SLC24A3: variants seen among roughly 807,000 people sequenced by gnomAD.
SLC24A3 encodes the protein solute carrier family 24 member 3, also known as sodium/potassium/calcium exchanger 3.
A neutral mutation model predicts 75.8 loss-of-function variants in SLC24A3; 28 were observed. The ratio of observed to expected loss-of-function variants is 0.37; its 90% CI spans 0.27 to 0.51. The LOEUF is 0.51. Among genes scored for constraint, SLC24A3 ranks in the 20% least tolerant of loss-of-function variants. SLC24A3 has a pLI of 0.94. For missense variants in SLC24A3, 663 were observed against 847.8 expected (o/e 0.78, Z 2.71); for synonymous variants, 372 against 334.1 (o/e 1.11, Z -1.24).
chr20:19,231,303 C>T (rs944160642), intron 1 of SLC24A3, among the ~76,000 whole-genome samples: 5 of 152,166 alleles, frequency 3.3e-5, no homozygotes, highest in South Asian at 2.1e-4. Flanking sequence ...CGTCCGAATC[C>T]TTGAAATCTG....
At chr20:19,579,478 G>A (rs2031187878) in intron 3 of SLC24A3, among the ~76,000 whole-genome samples, 1 of 152,204 alleles carries the variant, frequency 6.6e-6, no homozygotes, top group South Asian at 2.1e-4. Context: ...CAGGCCCTGT[G>A]CTGACTGCTG....
At chr20:19,438,521 T>TA (rs1555793216) in intron 2 of SLC24A3, among the ~76,000 whole-genome samples, 1 of 141,494 alleles carries the variant, frequency 7.1e-6, no homozygotes, top group East Asian at 2.1e-4. Context: ...GACACCCCCA[T>TA]ACAGTAGGTA....
intron 2 of SLC24A3, among the ~76,000 whole-genome samples, chr20:19,289,865 A>T (rs555523108): frequency 6.6e-6 from 1 of 152,262 alleles, no homozygotes; most frequent in South Asian, 2.1e-4. Context: ...TCAGGTTTAG[A>T]GACATGAGGG....
chr20:19,501,862 C>T lies in SLC24A3; in HGVS notation c.272-13626C>T, dbSNP rs1014995965. ...TTTCCATCCTAGCTTGTCAGCCCATCCCAACAACCTTTACTTTCCCTAGGC... is the reference window on the plus strand; with the variant it reads ...TTTCCATCCTAGCTTGTCAGCCCATTCCAACAACCTTTACTTTCCCTAGGC... On this transcript the variant is annotated intron_variant, in intron 2 of 16. Coordinates refer to ENST00000328041, the MANE Select transcript of SLC24A3 (RefSeq NM_020689.4). 4.6e-5 allele frequency among the ~76,000 whole-genome samples: 7 copies of T among 152,270 alleles called. 1 individual carries two copies. The highest frequency in any genetic ancestry group is 1.3e-4 in the Admixed American group (2 of 15,302).
chr20:19,496,502 G>A (rs1473548688), intron 2 of SLC24A3, among the ~76,000 whole-genome samples: 1 of 152,188 alleles, frequency 6.6e-6, no homozygotes, highest in East Asian at 1.9e-4. Flanking sequence ...AATCTCTGTA[G>A]CAATTTATTG....
chr20:19,568,226 G>A (rs1049911436), intron 3 of SLC24A3, among the ~76,000 whole-genome samples: 28 of 152,246 alleles, frequency 1.8e-4, no homozygotes, highest in African/African-American at 5.8e-4. Flanking sequence ...AAATAGTATG[G>A]CAGTTTCTCA....
intron 9 of SLC24A3, among the ~76,000 whole-genome samples, chr20:19,676,867 A>G (rs1304732820): frequency 6.6e-6 from 1 of 152,198 alleles, no homozygotes; most frequent in Non-Finnish European, 1.5e-5. Flanking sequence ...AGTGCCTCAC[A>G]TTCAGCCCTG....
chr20:19,594,722 GGAGA>G (rs1384640061), intron 6 of SLC24A3, among the ~76,000 whole-genome samples: 8 of 152,142 alleles, frequency 5.3e-5, no homozygotes, highest in South Asian at 2.1e-4. Context: ...ATGGATAGAT[GGAGA>G]GAGAGTAAGA....
chr20:19,713,137 T>C (rs938992333), intron 15 of SLC24A3, among the ~76,000 whole-genome samples: 10 of 152,216 alleles, frequency 6.6e-5, no homozygotes, highest in African/African-American at 2.2e-4. Flanking sequence ...CCATGAATTG[T>C]GAATGAACTC....
At chr20:19,513,778 A>C (rs2029931523) in intron 2 of SLC24A3, among the ~76,000 whole-genome samples, 1 of 151,462 alleles carries the variant, frequency 6.6e-6, no homozygotes, top group South Asian at 2.1e-4. Context: ...ATTGACGTAT[A>C]AAAATTGTAT....
intron 2 of SLC24A3, among the ~76,000 whole-genome samples, chr20:19,461,479 A>T (rs945463739): frequency 2.0e-5 from 3 of 150,994 alleles, no homozygotes; most frequent in Non-Finnish European, 4.4e-5. Context: ...TGCACTGGGC[A>T]CTTATTATTC....
chr20:19,671,537 G>A (rs1206942257), intron 8 of SLC24A3, among the ~76,000 whole-genome samples: 2 of 152,314 alleles, frequency 1.3e-5, no homozygotes, highest in Non-Finnish European at 2.9e-5. Flanking sequence ...GATGGATATG[G>A]GAGTGAGGAA....
chr20:19,403,679 G>A (rs1160952086), intron 2 of SLC24A3, among the ~76,000 whole-genome samples: 2 of 152,220 alleles, frequency 1.3e-5, no homozygotes, highest in Non-Finnish European at 2.9e-5. Flanking sequence ...GTAGGAGTTA[G>A]TCACGCAGAG....
chr20:19,305,685 A>C (rs1305281717), intron 2 of SLC24A3, among the ~76,000 whole-genome samples: 2 of 152,204 alleles, frequency 1.3e-5, no homozygotes, highest in East Asian at 3.9e-4. Flanking sequence ...CGGTGCTGGG[A>C]TAAGTGGCCA....
chr20:19,301,182 G>C (rs903352103), intron 2 of SLC24A3, among the ~76,000 whole-genome samples: 2 of 152,156 alleles, frequency 1.3e-5, no homozygotes, highest in East Asian at 3.9e-4. Context: ...GTTCAGCTTA[G>C]GATTGGATCT....
chr20:19,516,020 TGGTTTTGTAC>T (rs1410030884), intron 3 of SLC24A3, among the ~76,000 whole-genome samples: 1 of 152,226 alleles, frequency 6.6e-6, no homozygotes, highest in Non-Finnish European at 1.5e-5. Context: ...AACAGGGACT[TGGTTTTGTAC>T]ACGGCTTCAT....
chr20:19,364,753 C>T (rs981473479), intron 2 of SLC24A3, among the ~76,000 whole-genome samples: 7 of 152,122 alleles, frequency 4.6e-5, no homozygotes, highest in Non-Finnish European at 8.8e-5. Context: ...CCGTACCTGG[C>T]CAAGAGTGGT....
intron 3 of SLC24A3, among the ~76,000 whole-genome samples, chr20:19,578,815 C>T (rs2031178112): frequency 6.6e-6 from 1 of 152,102 alleles, no homozygotes; most frequent in Admixed American, 6.5e-5. Context: ...GTTATGAAGT[C>T]AAGAGGCAGG....
rs542103698 is a variant in SLC24A3, at chr20:19,568,745, A to G, written c.349-11255A>G. Among the ~76,000 whole-genome samples, 5 of 152,304 alleles carry G rather than the reference A, an allele frequency of 3.3e-5. No individual in the cohort carries two copies. The South Asian group carries it at 1.0e-3, about 32-fold the overall frequency. On this transcript the variant is annotated intron_variant, in intron 3 of 16. Transcript: ENST00000328041. ...TAGATTTTAAAATTATTAAAATGGT[A>G]AATTATGTTATGCCTATTTTACCAC...
Sources: allele counts gnomAD v4.1 joint callset (sites outside exome capture counted in the v4.1 genomes callset), GRCh38; gene constraint gnomAD v4.1.1; transcripts MANE v1.5; gene names NCBI Gene and HGNC (gene_info 2026-07-23, HGNC 2026-07-21).